Variants in SEC16B observed in about 807,000 individuals in gnomAD.
SEC16B encodes the protein protein transport protein Sec16B.
A neutral mutation model predicts 141.8 loss-of-function variants in SEC16B; 115 were observed. The observed-to-expected ratio is 0.81, with a 90% CI of 0.70 to 0.95. The LOEUF is 0.95. SEC16B is among the 40% of genes least tolerant of loss of function. The pLI, the probability that SEC16B is intolerant of heterozygous loss-of-function variation, is 0.00. For synonymous variants in SEC16B, 493 were observed against 492.5 expected (o/e 1.00, Z -0.01); for missense variants, 1,291 against 1,312.3 (o/e 0.98, Z 0.25).
At chr1:177,967,579 A>G in intron 2 of SEC16B, 104 bp downstream of exon 2, 1 of 1,252,438 alleles carries the variant, frequency 8.0e-7, no homozygotes, top group Non-Finnish European at 1.1e-6. Context: ...AGAAGGAAAA[A>G]GAAAAAAGGG....
At chr1:177,938,485 A>G (rs1166447126) in intron 18 of SEC16B, among the ~76,000 whole-genome samples, 2 of 152,192 alleles carry the variant, frequency 1.3e-5, no homozygotes, top group Non-Finnish European at 1.5e-5. Flanking sequence ...AACCCATTCA[A>G]CTTAAATTCT....
At chr1:177,960,446 C>T in intron 7 of SEC16B, 43 bp from the exon 8 acceptor site, 1 of 1,348,426 alleles carries the variant, frequency 7.4e-7, no homozygotes. Context: ...ACTGTGGCCA[C>T]CCTAGGCCCC....
chr1:177,936,485 A>T (rs1650853551), intron 19 of SEC16B, 120 bp from the exon 20 acceptor site: 3 of 819,486 alleles, frequency 3.7e-6, no homozygotes, highest in Non-Finnish European at 4.0e-6. Flanking sequence ...CGGAGCCCAT[A>T]AGCCCAAGCC....
rs751704250 is a variant in SEC16B at position 177,933,599 on chromosome 1, C to T, written c.2609G>A (p.Ser870Asn). The T allele has an allele frequency of 3.7e-6, 6 of 1,613,850 alleles. No homozygotes were observed. The East Asian group carries it at 1.1e-4, about 30-fold the overall frequency. The change falls in exon 21 of 26, where the codon AGT (serine) becomes AAT (asparagine). Residue 870 changes from serine (S) to asparagine (N), a missense_variant. Physicochemically the swap from Ser to Asn is conservative, Grantham distance 46 (BLOSUM62 1). This residue lies in a region of SEC16B where 605 missense variants were observed against 614.1 expected (regional missense o/e 0.99). Coordinates refer to ENST00000308284, the MANE Select transcript of SEC16B (RefSeq NM_033127.4). ...LAARPRSISE[S>N]SASSAKEDEK... ...ATCCTCCTTGGCTGAACTGGCGGAA[C>T]TCTCAGAAATACTTCGTGGTCTAGC... is the stretch of plus-strand genomic sequence containing the variant.
chr1:177,974,831 A>G (rs959929734), upstream of SEC16B, among the ~76,000 whole-genome samples: 1 of 152,204 alleles, frequency 6.6e-6, no homozygotes, highest in African/African-American at 2.4e-5. Context: ...ATTCATATGA[A>G]GAGACTGGAA....
intron 6 of SEC16B, chr1:177,961,238 T>C (rs1653035596): frequency 4.5e-6 from 2 of 443,936 alleles, no homozygotes; most frequent in Non-Finnish European, 8.0e-6. Flanking sequence ...ATGGCCTCTA[T>C]ACTCATGACA....
chr1:177,967,653 T>G, intron 2 of SEC16B, 30 bp downstream of exon 2: 1 of 1,517,368 alleles, frequency 6.6e-7, no homozygotes, highest in South Asian at 1.3e-5. Context: ...TTTAGGAGAG[T>G]TGCATTCATT....
At chr1:177,952,829 T>C (rs1425121738) in intron 11 of SEC16B, among the ~76,000 whole-genome samples, 1 of 152,106 alleles carries the variant, frequency 6.6e-6, no homozygotes, top group African/African-American at 2.4e-5. Context: ...ATACAATTTC[T>C]GTGTTCCTCA....
intron 15 of SEC16B, among the ~76,000 whole-genome samples, chr1:177,942,353 AGAGGCATAGCAC>A (rs1651343640): frequency 6.6e-6 from 1 of 152,216 alleles, no homozygotes; most frequent in South Asian, 2.1e-4. Flanking sequence ...AGTCTGATGT[AGAGGCATAGCAC>A]CAGGCACAAG....
At chr1:177,961,306 A>G in intron 6 of SEC16B, 1 of 466,346 alleles carries the variant, frequency 2.1e-6, no homozygotes, top group Non-Finnish European at 3.8e-6. Context: ...GCTTTTCCTA[A>G]TTCTCTCTGG....
At chr1:177,982,981 C>T (rs561088636) in intron 1 of SEC16B, among the ~76,000 whole-genome samples, 8 of 152,168 alleles carry the variant, frequency 5.3e-5, no homozygotes, top group Non-Finnish European at 1.0e-4. Flanking sequence ...CAACATTACA[C>T]TGTAAATGGG....
At chr1:177,973,103 T>A (rs1339765974), upstream of SEC16B, 2 of 152,364 alleles carry the variant, frequency 1.3e-5, no homozygotes, top group Non-Finnish European at 2.9e-5. Context: ...CTACCCTAGT[T>A]TGACACCTGT....
chr1:177,938,669 G>A (rs1651045364), intron 18 of SEC16B, among the ~76,000 whole-genome samples: 1 of 152,150 alleles, frequency 6.6e-6, no homozygotes, highest in Non-Finnish European at 1.5e-5. Context: ...CCTCTAGCCA[G>A]TGGGTTGGGA....
chr1:177,966,654 C>A (rs1318406210), intron 2 of SEC16B, among the ~76,000 whole-genome samples: 1 of 152,154 alleles, frequency 6.6e-6, no homozygotes, highest in Non-Finnish European at 1.5e-5. Context: ...CAACCTCCAT[C>A]TCCCGGGTTT....
In SEC16B at chr1:177,967,982, C is replaced by T. The variant is rs1044043480; in HGVS notation, c.-1G>A. 1.3e-6 allele frequency: 2 copies of T among 1,593,548 alleles called. No individual in the cohort carries two copies. Among genetic ancestry groups the T allele is most frequent in the African/African-American group, 1.3e-5 (1 of 74,358 alleles). ...GCCTCTGGGGAGCCCAAAGTTCCATCCTTGACTCTCTGAATTTGTCCTGGG... is the reference window on the plus strand; with the variant it reads ...GCCTCTGGGGAGCCCAAAGTTCCATTCTTGACTCTCTGAATTTGTCCTGGG... On this transcript the variant is annotated 5_prime_UTR_variant, in exon 2 of 26. Coordinates refer to ENST00000308284, the MANE Select transcript of SEC16B (RefSeq NM_033127.4).
chr1:177,946,992 T>C (rs1651765459), intron 13 of SEC16B, among the ~76,000 whole-genome samples: 1 of 152,176 alleles, frequency 6.6e-6, no homozygotes, highest in Admixed American at 6.5e-5. Context: ...TGTTCTCCCA[T>C]ACATTTTCCA....
rs558765832 is a variant in SEC16B at position 177,954,215 on chromosome 1, T to A, written c.1463+64A>T. 3.4e-4 allele frequency: 407 copies of A among 1,214,316 alleles called. 2 individuals are homozygous for A. The African/African-American group carries it at 5.5e-3, about 16-fold the overall frequency. The allele number at this position is 1,214,316 out of a possible 1,614,324, so 75.2% of individuals were successfully genotyped here. A position where few individuals can be genotyped will look rare whatever the true frequency, so the allele number is the denominator to read the frequency against. ...CGTCTGACATTTCTCCACACCCTCA[T>A]CCTCCACCTTTGGTGAGGAGGCCTC... On this transcript the variant is annotated intron_variant, in intron 11 of 25. Transcript: ENST00000308284.
intron 1 of SEC16B, among the ~76,000 whole-genome samples, chr1:177,983,488 T>C (rs553542999): frequency 1.3e-5 from 2 of 151,916 alleles, no homozygotes; most frequent in South Asian, 4.2e-4. Context: ...ACTCAGGTTT[T>C]ATGCAGAGCT....
intron 18 of SEC16B, among the ~76,000 whole-genome samples, chr1:177,938,738 C>A (rs896503766): frequency 6.6e-6 from 1 of 152,136 alleles, no homozygotes; most frequent in Non-Finnish European, 1.5e-5. Flanking sequence ...TAAATTATTT[C>A]TTCTTTAAGG....
Sources: gnomAD v4.1 joint callset for allele counts (sites outside exome capture counted in the v4.1 genomes callset) on GRCh38, gnomAD v4.1.1 for gene constraint, gnomAD v4.1.1 regional missense constraint, MANE v1.5 for transcripts, NCBI Gene and HGNC (gene_info 2026-07-23, HGNC 2026-07-21) for gene names.